The following CSMD1 variants were observed in gnomAD, a reference collection of about 807,000 sequenced individuals.
The protein encoded by CSMD1 is CUB and sushi domain-containing protein 1.
Under a neutral mutation model 417.5 loss-of-function variants are expected in CSMD1, and 213 were observed. The observed-to-expected ratio is 0.51, with a 90% confidence interval of 0.46 to 0.57. The LOEUF (loss-of-function observed/expected upper bound fraction) is 0.57, where lower values mean the gene tolerates loss of function less well. Ranked by LOEUF, CSMD1 falls within the 20% of genes least tolerant of loss-of-function variation. The pLI is 0.00. For missense variants in CSMD1, 6,923 were observed against 4,529.7 expected (o/e 1.53, Z -15.17); for synonymous variants, 2,862 against 1,736.8 (o/e 1.65, Z -16.11).
intron 1 of CSMD1, among the ~76,000 whole-genome samples, chr8:4,752,119 A>G (rs569747006): frequency 2.3e-4 from 35 of 152,134 alleles, no homozygotes; most frequent in Non-Finnish European, 2.9e-5. Flanking sequence ...TATATATCAC[A>G]TGTATATATC....
chr8:3,900,171 T>A (rs1563191693), intron 5 of CSMD1, among the ~76,000 whole-genome samples: 1 of 151,860 alleles, frequency 6.6e-6, no homozygotes, highest in Non-Finnish European at 1.5e-5. Flanking sequence ...CACAGCTGGG[T>A]GACAGTGTAG....
chr8:3,261,853 G>C (rs574023625), intron 26 of CSMD1, among the ~76,000 whole-genome samples: 1 of 152,162 alleles, frequency 6.6e-6, no homozygotes, highest in African/African-American at 2.4e-5. Flanking sequence ...GAAGGCATGC[G>C]GGCCGAGGTC....
intron 3 of CSMD1, among the ~76,000 whole-genome samples, chr8:4,236,298 A>G (rs936317795): frequency 4.6e-5 from 7 of 152,132 alleles, no homozygotes; most frequent in Admixed American, 1.3e-4. Flanking sequence ...TACAGAAACT[A>G]GAACGCAGGA....
At chr8:4,010,004 T>C (rs1369280695) in intron 4 of CSMD1, among the ~76,000 whole-genome samples, 4 of 152,310 alleles carry the variant, frequency 2.6e-5, no homozygotes, top group East Asian at 1.9e-4. Flanking sequence ...ATCTTAATTC[T>C]TCCTATGCTC....
At chr8:4,972,116 G>C (rs999367075) in intron 1 of CSMD1, among the ~76,000 whole-genome samples, 2 of 152,110 alleles carry the variant, frequency 1.3e-5, no homozygotes, top group African/African-American at 2.4e-5. Context: ...ATAAAAGAAA[G>C]AGTAATATCG....
At chr8:4,120,246 G>T (rs1431542811) in intron 3 of CSMD1, among the ~76,000 whole-genome samples, 2 of 151,864 alleles carry the variant, frequency 1.3e-5, no homozygotes, top group South Asian at 2.1e-4. Context: ...TGACTCCTGG[G>T]GCATAAAAAG....
intron 3 of CSMD1, among the ~76,000 whole-genome samples, chr8:4,214,199 A>G (rs1800493518): frequency 6.6e-6 from 1 of 152,176 alleles, no homozygotes; most frequent in South Asian, 2.1e-4. Flanking sequence ...ATACGGCTCA[A>G]TAGATGGAAA....
intron 3 of CSMD1, among the ~76,000 whole-genome samples, chr8:4,212,424 C>A (rs1199947101): frequency 3.9e-5 from 6 of 152,026 alleles, no homozygotes; most frequent in Admixed American, 2.6e-4. Context: ...ACATTAACGT[C>A]CCAGGTAGTT....
At chr8:3,275,038 A>G (rs1446122241) in intron 26 of CSMD1, among the ~76,000 whole-genome samples, 1 of 152,034 alleles carries the variant, frequency 6.6e-6, no homozygotes, top group Non-Finnish European at 1.5e-5. Context: ...GGTCTTTACA[A>G]TTTGGCATGA....
intron 1 of CSMD1, among the ~76,000 whole-genome samples, chr8:4,980,016 G>A (rs1299469803): frequency 6.6e-6 from 1 of 152,138 alleles, no homozygotes; most frequent in African/African-American, 2.4e-5. Context: ...CAGCCTGGGC[G>A]ACAGAGTGAG....
intron 2 of CSMD1, among the ~76,000 whole-genome samples, chr8:4,467,149 AAG>A (rs1263785379): frequency 6.6e-6 from 1 of 151,870 alleles, no homozygotes; most frequent in Non-Finnish European, 1.5e-5. Context: ...AAGAAAAAAA[AAG>A]AAAAAACAAA....
rs988597384 is a variant in CSMD1 at position 4,322,022 on chromosome 8, A to G, written c.415+97931T>C. Among the ~76,000 whole-genome samples, 12 of 152,228 alleles carry G rather than the reference A, an allele frequency of 7.9e-5. No individual in the cohort carries two copies. The South Asian group carries it at 1.5e-3, about 18-fold the overall frequency. On this transcript the variant is annotated intron_variant, in intron 3 of 69. Transcript: ENST00000635120. ...AGAAGAAAATCAAAAAAGCTATTCC[A>G]TTAATTTAGTTCATATTTTAAATGC...
intron 23 of CSMD1, among the ~76,000 whole-genome samples, chr8:3,321,968 C>G (rs1452516239): frequency 1.3e-5 from 2 of 152,154 alleles, no homozygotes; most frequent in African/African-American, 2.4e-5. Flanking sequence ...TACACAGTTT[C>G]ATAAAGTGTT....
intron 3 of CSMD1, among the ~76,000 whole-genome samples, chr8:4,081,443 G>C (rs935782567): frequency 2.0e-5 from 3 of 152,186 alleles, no homozygotes; most frequent in Admixed American, 2.0e-4. Flanking sequence ...CACACCTTCT[G>C]GGGACTCCAG....
intron 1 of CSMD1, among the ~76,000 whole-genome samples, chr8:4,849,032 T>C (rs995533131): frequency 2.0e-5 from 3 of 152,200 alleles, no homozygotes; most frequent in African/African-American, 4.8e-5. Flanking sequence ...AGATGACAGC[T>C]CTACACCTGT....
intron 26 of CSMD1, among the ~76,000 whole-genome samples, chr8:3,242,437 G>C (rs1214732468): frequency 1.3e-5 from 2 of 152,046 alleles, no homozygotes; most frequent in South Asian, 2.1e-4. Context: ...GGTAGGGACT[G>C]ATGTGTAAAA....
chr8:4,427,184 G>T (rs1188762701), intron 2 of CSMD1, among the ~76,000 whole-genome samples: 1 of 152,118 alleles, frequency 6.6e-6, no homozygotes, highest in African/African-American at 2.4e-5. Flanking sequence ...GTCCAGATGG[G>T]TGTGCAGGGA....
intron 1 of CSMD1, among the ~76,000 whole-genome samples, chr8:4,948,690 G>T (rs368520992): frequency 6.6e-6 from 1 of 151,960 alleles, no homozygotes; most frequent in East Asian, 1.9e-4. Flanking sequence ...TAAATAATTT[G>T]TGTGTATAAT....
chr8:3,461,385 G>A (rs933958241), intron 12 of CSMD1, among the ~76,000 whole-genome samples: 1 of 152,206 alleles, frequency 6.6e-6, no homozygotes, highest in African/African-American at 2.4e-5. Context: ...TCTGGATGTG[G>A]TCTTCACCCT....
Sources: allele counts gnomAD v4.1 joint callset (sites outside exome capture counted in the v4.1 genomes callset), GRCh38; gene constraint gnomAD v4.1.1; transcripts MANE v1.5; gene names NCBI Gene and HGNC (gene_info 2026-07-23, HGNC 2026-07-21).